The following CYYR1 variants were observed in gnomAD, a reference collection of about 807,000 sequenced individuals.
CYYR1 encodes cysteine and tyrosine rich 1.
In CYYR1, 14 loss-of-function variants were observed where a neutral mutation model predicts 15.2. That is an observed-to-expected ratio of 0.92 (90% CI 0.61 to 1.44). The LOEUF is 1.44. Ranked by LOEUF, CYYR1 falls within the 40% of genes most tolerant of loss-of-function variation. The pLI is 0.00. For synonymous variants in CYYR1, 80 were observed against 77.4 expected, an observed-to-expected ratio of 1.03 and a Z score of -0.18; for missense variants, 228 against 209.5, an observed-to-expected ratio of 1.09 and a Z score of -0.54.
intron 2 of CYYR1, among the ~76,000 whole-genome samples, chr21:26,565,353 AG>A (rs1371320206): frequency 6.6e-6 from 1 of 152,144 alleles, no homozygotes; most frequent in Non-Finnish European, 1.5e-5. Context: ...TTTCCACTTG[AG>A]CCTTTGTAGG....
At chr21:26,490,485 C>T (rs1003616016) in intron 2 of CYYR1, among the ~76,000 whole-genome samples, 4 of 151,960 alleles carry the variant, frequency 2.6e-5, no homozygotes, top group Non-Finnish European at 4.4e-5. Flanking sequence ...TATGACAAGA[C>T]AACAATGAAA....
chr21:26,564,181 T>TAA (rs749254559), intron 2 of CYYR1, among the ~76,000 whole-genome samples: 2 of 142,098 alleles, frequency 1.4e-5, no homozygotes, highest in African/African-American at 2.6e-5. Context: ...GACCACCCAT[T>TAA]AAAAAAAAAA....
At chr21:26,490,786 A>G (rs1334460812) in intron 2 of CYYR1, among the ~76,000 whole-genome samples, 4 of 152,214 alleles carry the variant, frequency 2.6e-5, no homozygotes, top group Non-Finnish European at 5.9e-5. Context: ...GGAGCTGAGT[A>G]GATTGCAATG....
intron 2 of CYYR1, among the ~76,000 whole-genome samples, chr21:26,485,654 A>G (rs1166863396): frequency 6.6e-6 from 1 of 152,086 alleles, no homozygotes; most frequent in Non-Finnish European, 1.5e-5. Flanking sequence ...TGCATGTATC[A>G]GTAGTTCATT....
chr21:26,476,561 CA>C (rs1251833504), intron 3 of CYYR1, among the ~76,000 whole-genome samples: 3 of 150,616 alleles, frequency 2.0e-5, no homozygotes, highest in Non-Finnish European at 4.4e-5. Flanking sequence ...TTCCCCTCTC[CA>C]ATTGTTTGTC....
At chr21:26,497,870 A>G (rs1328137472) in intron 2 of CYYR1, among the ~76,000 whole-genome samples, 3 of 152,206 alleles carry the variant, frequency 2.0e-5, no homozygotes, top group Non-Finnish European at 4.4e-5. Flanking sequence ...TCCCTTCAGC[A>G]GACTCTTATT....
At chr21:26,541,349 C>T (rs1424295579) in intron 2 of CYYR1, among the ~76,000 whole-genome samples, 1 of 152,094 alleles carries the variant, frequency 6.6e-6, no homozygotes, top group Non-Finnish European at 1.5e-5. Flanking sequence ...TAAAGAGAAT[C>T]TTGAAAGCAT....
intron 2 of CYYR1, among the ~76,000 whole-genome samples, chr21:26,512,710 G>C (rs1355384115): frequency 6.6e-6 from 1 of 152,102 alleles, no homozygotes; most frequent in African/African-American, 2.4e-5. Flanking sequence ...ATGTGTTTAC[G>C]CATTGTCTAT....
intron 2 of CYYR1, among the ~76,000 whole-genome samples, chr21:26,496,118 T>C (rs2065399759): frequency 1.3e-5 from 2 of 152,232 alleles, no homozygotes; most frequent in South Asian, 4.1e-4. Context: ...GTCAAATCGG[T>C]TAAATCAGAA....
chr21:26,517,101 C>T (rs1226773400), intron 2 of CYYR1, among the ~76,000 whole-genome samples: 6 of 100,172 alleles, frequency 6.0e-5, no homozygotes, highest in Non-Finnish European at 8.8e-5. Context: ...GGCGACAGAG[C>T]GAGACTCCGT....
At chr21:26,488,494 C>T (rs1160695626) in intron 2 of CYYR1, among the ~76,000 whole-genome samples, 1 of 152,116 alleles carries the variant, frequency 6.6e-6, no homozygotes, top group African/African-American at 2.4e-5. Flanking sequence ...GTAAAGCAAT[C>T]TGCCTGCCTC....
At chr21:26,552,716 G>C (rs1979485286) in intron 2 of CYYR1, among the ~76,000 whole-genome samples, 1 of 151,986 alleles carries the variant, frequency 6.6e-6, no homozygotes, top group Admixed American at 6.6e-5. Context: ...TCATCACCTA[G>C]AATCAATTTT....
chr21:26,561,672 G>A (rs1209665812), intron 2 of CYYR1, among the ~76,000 whole-genome samples: 1 of 152,102 alleles, frequency 6.6e-6, no homozygotes, highest in Non-Finnish European at 1.5e-5. Flanking sequence ...GGGCTCTGAA[G>A]AATCCACAGA....
intron 2 of CYYR1, among the ~76,000 whole-genome samples, chr21:26,541,302 T>C (rs1443315984): frequency 1.3e-5 from 2 of 152,056 alleles, no homozygotes; most frequent in African/African-American, 2.4e-5. Context: ...AAAAGACACC[T>C]TGAAAATATC....
chr21:26,521,791 A>G (rs773152925), intron 2 of CYYR1, among the ~76,000 whole-genome samples: 1 of 152,224 alleles, frequency 6.6e-6, no homozygotes, highest in Non-Finnish European at 1.5e-5. Flanking sequence ...CAAAGAAGAA[A>G]ATATGAAAAG....
At chr21:26,486,185 T>A (rs749421968) in intron 2 of CYYR1, among the ~76,000 whole-genome samples, 4 of 152,146 alleles carry the variant, frequency 2.6e-5, no homozygotes, top group African/African-American at 9.6e-5. Context: ...TTACAAAATA[T>A]GTAGTTTGCG....
intron 2 of CYYR1, among the ~76,000 whole-genome samples, chr21:26,510,456 G>A (rs1428711832): frequency 1.3e-5 from 2 of 152,290 alleles, no homozygotes; most frequent in East Asian, 3.9e-4. Context: ...AAATTCAGAT[G>A]TATAACAAAC....
intron 2 of CYYR1, among the ~76,000 whole-genome samples, chr21:26,495,543 C>T (rs928339095): frequency 7.1e-6 from 1 of 140,510 alleles, no homozygotes; most frequent in African/African-American, 2.5e-5. Context: ...CAATTAGACT[C>T]CAACTGCACA....
At chr21:26,549,425 A>T in intron 2 of CYYR1, among the ~76,000 whole-genome samples, 2 of 152,158 alleles carry the variant, frequency 1.3e-5, no homozygotes, top group East Asian at 3.8e-4. Context: ...CCCTTTCCAA[A>T]TTCTTTCCCA....
Sources: allele counts gnomAD v4.1 joint callset (sites outside exome capture counted in the v4.1 genomes callset), GRCh38; gene constraint gnomAD v4.1.1; transcripts MANE v1.5; gene names NCBI Gene and HGNC (gene_info 2026-07-23, HGNC 2026-07-21).